NAA15: variants seen among roughly 807,000 people sequenced by gnomAD.
The protein encoded by NAA15 is N-alpha-acetyltransferase 15, NatA auxiliary subunit, also known as N-terminal acetyltransferase.
In NAA15, 34 loss-of-function variants were observed where a neutral mutation model predicts 114.0. The observed-to-expected ratio is 0.30, with a 90% CI of 0.23 to 0.40. The LOEUF (loss-of-function observed/expected upper bound fraction) is 0.40. NAA15 is among the 10% of genes least tolerant of loss of function. The pLI is 1.00. For missense variants in NAA15, 658 were observed against 1,004.5 expected (o/e 0.66, Z 4.66); for synonymous variants, 340 against 338.0 (o/e 1.01, Z -0.06).
chr4:139,302,600 CT>C (rs1184833988), intron 1 of NAA15: 7 of 152,126 alleles, frequency 4.6e-5, no homozygotes, highest in Non-Finnish European at 8.8e-5. Flanking sequence ...AAAGTTGAGT[CT>C]TTAGTTGAAA....
At chr4:139,336,075 G>A (rs890731013) in intron 2 of NAA15, among the ~76,000 whole-genome samples, 6 of 152,132 alleles carry the variant, frequency 3.9e-5, no homozygotes, top group South Asian at 2.1e-4. Context: ...ATTTTTAAAC[G>A]GTACATGTTG....
intron 6 of NAA15, among the ~76,000 whole-genome samples, chr4:139,347,386 C>T (rs1747620237): frequency 6.6e-6 from 1 of 152,132 alleles, no homozygotes; most frequent in East Asian, 1.9e-4. Flanking sequence ...AATCCCAGCA[C>T]TTTGGGAGGC....
intron 1 of NAA15, among the ~76,000 whole-genome samples, chr4:139,304,140 A>G (rs1336695596): frequency 6.6e-6 from 1 of 152,200 alleles, no homozygotes; most frequent in Admixed American, 6.5e-5. Flanking sequence ...GGATGGTCTC[A>G]ATCTCCTGAC....
At chr4:139,363,699 T>G (rs1483144215) in intron 14 of NAA15, among the ~76,000 whole-genome samples, 1 of 152,208 alleles carries the variant, frequency 6.6e-6, no homozygotes, top group African/African-American at 2.4e-5. Flanking sequence ...GAAGTGGAAA[T>G]CGGTGGGTTG....
At chr4:139,383,694 C>T (rs1748814061) in intron 17 of NAA15, among the ~76,000 whole-genome samples, 1 of 152,310 alleles carries the variant, frequency 6.6e-6, no homozygotes, top group Non-Finnish European at 1.5e-5. Context: ...TGGTCTCGAA[C>T]TCCTGACCTC....
intron 1 of NAA15, among the ~76,000 whole-genome samples, chr4:139,329,209 T>A (rs1746913477): frequency 6.6e-6 from 1 of 152,152 alleles, no homozygotes; most frequent in Non-Finnish European, 1.5e-5. Flanking sequence ...TCTTTACAAA[T>A]TCTATTTGTT....
intron 18 of NAA15, 52 bp downstream of exon 18, chr4:139,385,030 A>G (rs1254165995): frequency 6.7e-6 from 9 of 1,346,886 alleles, no homozygotes; most frequent in South Asian, 1.8e-5. Context: ...AGTAATTTTA[A>G]TGAATCAACA....
intron 10 of NAA15, among the ~76,000 whole-genome samples, chr4:139,356,793 AAT>A (rs1747966238): frequency 6.6e-6 from 1 of 152,158 alleles, no homozygotes; most frequent in African/African-American, 2.4e-5. Context: ...CATGAACTAA[AAT>A]ATAAAAATTT....
At chr4:139,332,714 C>G (rs1747063129) in intron 1 of NAA15, among the ~76,000 whole-genome samples, 1 of 150,372 alleles carries the variant, frequency 6.7e-6, no homozygotes, top group South Asian at 2.1e-4. Context: ...TCCTGAGTAG[C>G]TGGGATTACA....
At chr4:139,361,217 A>G (rs1748122251) in intron 13 of NAA15, among the ~76,000 whole-genome samples, 1 of 152,154 alleles carries the variant, frequency 6.6e-6, no homozygotes, top group South Asian at 2.1e-4. Flanking sequence ...CTTAGTTGAA[A>G]TGCATCAAGT....
chr4:139,356,779 A>G (rs1747965193), intron 10 of NAA15, among the ~76,000 whole-genome samples: 1 of 152,188 alleles, frequency 6.6e-6, no homozygotes, highest in African/African-American at 2.4e-5. Context: ...TATTAAAATT[A>G]AATCATGAAC....
intron 10 of NAA15, among the ~76,000 whole-genome samples, chr4:139,354,744 T>C (rs560161432): frequency 6.6e-6 from 1 of 152,242 alleles, no homozygotes. Context: ...TAGCTTCTCC[T>C]ACTTTTCTCT....
chr4:139,350,986 A>G (rs1747761580), intron 7 of NAA15, among the ~76,000 whole-genome samples: 1 of 152,204 alleles, frequency 6.6e-6, no homozygotes, highest in South Asian at 2.1e-4. Context: ...GCAGAACAGG[A>G]TAAAGATAAT....
intron 1 of NAA15, 110 bp downstream of exon 1, chr4:139,301,941 C>A: frequency 1.7e-6 from 2 of 1,189,482 alleles, no homozygotes; most frequent in Non-Finnish European, 2.4e-6. Context: ...CGGGACCCCG[C>A]CTTCATAGCT....
intron 1 of NAA15, among the ~76,000 whole-genome samples, chr4:139,322,361 C>T (rs746256266): frequency 1.3e-5 from 2 of 152,222 alleles, no homozygotes; most frequent in Non-Finnish European, 2.9e-5. Flanking sequence ...TTGTGAGGCT[C>T]CTCCAGCCTC....
At chr4:139,341,531 T>C in intron 4 of NAA15, among the ~76,000 whole-genome samples, 1 of 136,172 alleles carries the variant, frequency 7.3e-6, no homozygotes, top group Non-Finnish European at 1.5e-5. Flanking sequence ...GAGGTGGAGC[T>C]TGCAGTGAGC....
chr4:139,372,835 CAG>C (rs756873046), intron 15 of NAA15, among the ~76,000 whole-genome samples: 81 of 151,478 alleles, frequency 5.3e-4, no homozygotes, highest in Admixed American at 2.5e-3. Flanking sequence ...TGTCATTTAA[CAG>C]GGATACATTC....
At position 139,367,206 on chromosome 4, in the gene NAA15, C is replaced by G. The variant is rs139143696; in HGVS notation, c.1754-3005C>G. ...ACTGTAGACATTATTAGGAGACACACAGGAGTTACCACGTCCATCCTCAAG... is the reference window on the plus strand; with the variant it reads ...ACTGTAGACATTATTAGGAGACACAGAGGAGTTACCACGTCCATCCTCAAG... On this transcript the variant is annotated intron_variant, in intron 14 of 19. Transcript: ENST00000296543. Among the ~76,000 whole-genome samples, 16 of 152,314 alleles carry G rather than the reference C, an allele frequency of 1.1e-4. No individual in the cohort carries two copies. In the East Asian group the frequency reaches 3.1e-3, roughly 29 times the overall value.
At chr4:139,303,820 C>G (rs929059276) in intron 1 of NAA15, among the ~76,000 whole-genome samples, 5 of 152,242 alleles carry the variant, frequency 3.3e-5, no homozygotes, top group African/African-American at 1.2e-4. Flanking sequence ...CAAGCATCTC[C>G]TAAGAATAAG....
Sources: gnomAD v4.1 joint callset for allele counts (sites outside exome capture counted in the v4.1 genomes callset) on GRCh38, gnomAD v4.1.1 for gene constraint, MANE v1.5 for transcripts, NCBI Gene and HGNC (gene_info 2026-07-23, HGNC 2026-07-21) for gene names.